Variants in RNF111 observed in about 807,000 individuals in gnomAD.
RNF111 encodes E3 ubiquitin-protein ligase Arkadia.
RNF111 carries 17 observed loss-of-function variants against 95.1 expected under a neutral mutation model. That is an observed-to-expected ratio of 0.18 (90% confidence interval 0.12 to 0.27). The LOEUF (loss-of-function observed/expected upper bound fraction) is 0.27, where lower values mean the gene tolerates loss of function less well. Ranked by LOEUF, RNF111 falls within the 10% of genes least tolerant of loss-of-function variation. The pLI is 1.00. For synonymous variants in RNF111, 440 were observed against 414.8 expected (o/e 1.06, Z -0.74); for missense variants, 1,189 against 1,210.4 (o/e 0.98, Z 0.26).
At chr15:59,032,643 A>T (rs2040970950) in intron 2 of RNF111, among the ~76,000 whole-genome samples, 1 of 151,670 alleles carries the variant, frequency 6.6e-6, no homozygotes, top group Non-Finnish European at 1.5e-5. Flanking sequence ...TTGGTCTTGA[A>T]CTCCTTAGCT....
intron 2 of RNF111, among the ~76,000 whole-genome samples, chr15:59,034,035 G>A (rs1283601305): frequency 6.6e-6 from 1 of 152,184 alleles, no homozygotes; most frequent in Non-Finnish European, 1.5e-5. Context: ...CTCTTCTTCA[G>A]ATCCTCCAGT....
In RNF111 at chr15:59,067,002, T is replaced by C; in HGVS notation, c.1605T>C (p.Pro535=). ...AVPVSPSFSD[P]ACPVERPPQV... ...CAGTTTCTCCTTCCTTTAGTGATCC[T>C]GCTTGCCCTGTGGAAAGACCTCCAC... The change falls in exon 6 of 14, where the codon CCT becomes CCC. Residue 535 remains proline (P), a synonymous_variant. Transcript: ENST00000348370. 1.2e-6 allele frequency: 2 copies of C among 1,614,202 alleles called. No homozygotes were observed. Among genetic ancestry groups the C allele is most frequent in the Non-Finnish European group, 1.7e-6 (2 of 1,180,034 alleles).
At chr15:59,019,072 T>C (rs2040205790) in intron 1 of RNF111, among the ~76,000 whole-genome samples, 4 of 151,234 alleles carry the variant, frequency 2.6e-5, no homozygotes, top group Admixed American at 2.6e-4. Flanking sequence ...TTCAGGCACG[T>C]GCCACCACCC....
At chr15:58,990,575 C>T (rs925939220) in intron 1 of RNF111, among the ~76,000 whole-genome samples, 9 of 152,154 alleles carry the variant, frequency 5.9e-5, no homozygotes, top group Admixed American at 2.6e-4. Context: ...GCTTGAACCT[C>T]GGAGGCGGAG....
chr15:58,994,931 C>G (rs1596019156), intron 1 of RNF111, among the ~76,000 whole-genome samples: 1 of 152,304 alleles, frequency 6.6e-6, no homozygotes, highest in East Asian at 1.9e-4. Context: ...TAATATTAAT[C>G]TACAGCTCAT....
intron 10 of RNF111, among the ~76,000 whole-genome samples, chr15:59,086,890 ACCT>A (rs2078915526): frequency 6.6e-6 from 1 of 152,334 alleles, no homozygotes; most frequent in East Asian, 1.9e-4. Context: ...TAGTTAGATC[ACCT>A]CCTCAGTTAT....
At chr15:59,011,682 T>G (rs867445237) in intron 1 of RNF111, among the ~76,000 whole-genome samples, 17 of 152,320 alleles carry the variant, frequency 1.1e-4, no homozygotes, top group Admixed American at 7.2e-4. Flanking sequence ...TGTTTAAATT[T>G]CCCCTTCTTT....
intron 2 of RNF111, among the ~76,000 whole-genome samples, chr15:59,051,299 CA>C (rs1224277636): frequency 6.7e-6 from 1 of 149,418 alleles, no homozygotes; most frequent in Admixed American, 6.7e-5. Context: ...TAAAAATAAA[CA>C]AAAAAAAATT....
intron 1 of RNF111, among the ~76,000 whole-genome samples, chr15:59,024,574 A>T (rs1377085319): frequency 6.6e-6 from 1 of 152,186 alleles, no homozygotes; most frequent in Admixed American, 6.5e-5. Flanking sequence ...CCAACATAGG[A>T]TTACATGTTC....
chr15:58,996,727 C>T (rs1366939194), intron 1 of RNF111, among the ~76,000 whole-genome samples: 13 of 132,908 alleles, frequency 9.8e-5, no homozygotes, highest in Non-Finnish European at 1.7e-4. Flanking sequence ...GCCAGTTTCT[C>T]ACCTGTGTAT....
At chr15:58,992,526 A>G (rs752637436) in intron 1 of RNF111, among the ~76,000 whole-genome samples, 1 of 152,182 alleles carries the variant, frequency 6.6e-6, no homozygotes, top group Non-Finnish European at 1.5e-5. Flanking sequence ...ATTTTAAAAT[A>G]TATTTTTTTG....
chr15:59,015,891 G>A (rs1322885643), intron 1 of RNF111, among the ~76,000 whole-genome samples: 3 of 151,924 alleles, frequency 2.0e-5, no homozygotes, highest in Non-Finnish European at 4.4e-5. Context: ...AGGTTCTCAC[G>A]CCCAGGTTGG....
At position 59,058,500 on chromosome 15, in the gene RNF111, A is replaced by C. The variant is rs759723062; in HGVS notation, c.1316A>C (p.Glu439Ala). The change falls in exon 5 of 14, where the codon GAG (glutamate) becomes GCG (alanine). Residue 439 changes from glutamate to alanine, a missense_variant. Around this residue, in one of 2 missense-constraint regions of RNF111, gnomAD observed 1,024 missense variants for 925.9 expected, o/e 1.11. Transcript: ENST00000348370. The stretch of plus-strand genomic sequence containing the variant: ...AGTAGCCAACCTTCCACAGTGTCAG[A>C]GACTTCAGCTACTCTTACAAGCAAT... Reference protein sequence around the residue: ...VTSSQPSTVSETSATLTSNST... With the variant: ...VTSSQPSTVSATSATLTSNST... 1 of 1,614,126 alleles carries C rather than the reference A, an allele frequency of 6.2e-7. No individual in the cohort carries two copies.
intron 10 of RNF111, among the ~76,000 whole-genome samples, chr15:59,088,129 A>G (rs2078949279): frequency 6.6e-6 from 1 of 152,204 alleles, no homozygotes; most frequent in African/African-American, 2.4e-5. Flanking sequence ...TTAAGACAGA[A>G]AACCATTAGA....
intron 1 of RNF111, among the ~76,000 whole-genome samples, chr15:59,023,738 TC>T (rs1304254901): frequency 6.6e-6 from 1 of 152,184 alleles, no homozygotes; most frequent in Non-Finnish European, 1.5e-5. Context: ...CTTTTTTTCT[TC>T]CAGATTTTAA....
intron 1 of RNF111, among the ~76,000 whole-genome samples, chr15:59,018,550 A>G (rs1295210389): frequency 1.3e-5 from 2 of 151,790 alleles, no homozygotes; most frequent in Non-Finnish European, 2.9e-5. Flanking sequence ...GTTACTTTTT[A>G]GAAAAAAAAC....
At chr15:59,046,713 G>T (rs1279754452) in intron 2 of RNF111, among the ~76,000 whole-genome samples, 7 of 152,116 alleles carry the variant, frequency 4.6e-5, no homozygotes, top group Non-Finnish European at 7.3e-5. Context: ...CATAAAAGAA[G>T]TTGCCAATTT....
chr15:59,078,515 G>A (rs1403082713), intron 7 of RNF111, among the ~76,000 whole-genome samples: 2 of 137,894 alleles, frequency 1.5e-5, no homozygotes, highest in South Asian at 2.4e-4. Flanking sequence ...AACAATCCTT[G>A]TACTCCTGCC....
intron 1 of RNF111, among the ~76,000 whole-genome samples, chr15:59,028,623 T>G (rs2040744402): frequency 1.3e-5 from 2 of 152,216 alleles, no homozygotes; most frequent in South Asian, 4.1e-4. Flanking sequence ...TGTATGGATT[T>G]ATTTATTCAT....
Sources: allele counts gnomAD v4.1 joint callset (sites outside exome capture counted in the v4.1 genomes callset), GRCh38; gene constraint gnomAD v4.1.1; regional missense constraint gnomAD v4.1.1; transcripts MANE v1.5; gene names NCBI Gene and HGNC (gene_info 2026-07-23, HGNC 2026-07-21).